The following CCDC88C variants were observed in gnomAD, a reference collection of about 807,000 sequenced individuals.
CCDC88C encodes the protein protein Daple.
A neutral mutation model predicts 198.8 loss-of-function variants in CCDC88C; 131 were observed. That is an observed-to-expected ratio of 0.66 (90% CI 0.57 to 0.76). The LOEUF (loss-of-function observed/expected upper bound fraction) is 0.76. CCDC88C is among the 30% of genes least tolerant of loss of function. The pLI, the probability that CCDC88C is intolerant of heterozygous loss-of-function variation, is 0.00. For missense variants in CCDC88C, 2,553 were observed against 2,631.6 expected, an observed-to-expected ratio of 0.97 and a Z score of 0.65; for synonymous variants, 1,166 against 1,114.7, an observed-to-expected ratio of 1.05 and a Z score of -0.92.
At chr14:91,330,993 G>A (rs1892800953) in intron 10 of CCDC88C, among the ~76,000 whole-genome samples, 1 of 151,938 alleles carries the variant, frequency 6.6e-6, no homozygotes, top group Non-Finnish European at 1.5e-5. Context: ...CAGGAGTGGG[G>A]AGAGTGGAAG....
At chr14:91,281,646 G>T in intron 26 of CCDC88C, 121 bp from the exon 27 acceptor site, 1 of 796,520 alleles carries the variant, frequency 1.3e-6, no homozygotes, top group Non-Finnish European at 2.1e-6. Flanking sequence ...TGAGGGAATG[G>T]CATGCAGATG....
chr14:91,344,083 G>T (rs1440957908), intron 4 of CCDC88C, among the ~76,000 whole-genome samples: 1 of 151,990 alleles, frequency 6.6e-6, no homozygotes, highest in Non-Finnish European at 1.5e-5. Flanking sequence ...AGCCTCCCAG[G>T]TTGCAGGAAT....
intron 15 of CCDC88C, among the ~76,000 whole-genome samples, chr14:91,310,455 T>C (rs7157160): frequency 0.021 from 3,157 of 152,254 alleles, 128 homozygotes; most frequent in African/African-American, 0.072. Flanking sequence ...CTTGGTTGCC[T>C]AGGCTGAAGT....
intron 13 of CCDC88C, among the ~76,000 whole-genome samples, chr14:91,318,059 T>A (rs1005559577): frequency 2.0e-5 from 3 of 152,174 alleles, no homozygotes; most frequent in Non-Finnish European, 2.9e-5. Context: ...ATTATTTTTA[T>A]CATGGCCAAG....
chr14:91,400,214 A>C (rs998701794), intron 3 of CCDC88C, among the ~76,000 whole-genome samples: 2 of 152,248 alleles, frequency 1.3e-5, no homozygotes, highest in African/African-American at 2.4e-5. Context: ...AGAAAGAGGA[A>C]GAGCCGGTAA....
intron 3 of CCDC88C, among the ~76,000 whole-genome samples, chr14:91,366,001 C>T (rs960227227): frequency 9.9e-5 from 15 of 152,136 alleles, no homozygotes; most frequent in Non-Finnish European, 2.1e-4. Flanking sequence ...ACTAAAATGA[C>T]AGAATTTTCT....
chr14:91,364,304 C>T (rs1055692207), intron 3 of CCDC88C, among the ~76,000 whole-genome samples: 3 of 152,202 alleles, frequency 2.0e-5, no homozygotes, highest in African/African-American at 7.2e-5. Context: ...CTCCCCACTT[C>T]TCCTTTAGGT....
At position 91,283,463 on chromosome 14, in the gene CCDC88C, C is replaced by T. The variant is rs752609625; in HGVS notation, c.4496G>A (p.Arg1499His). 16 of 1,612,978 alleles carry T rather than the reference C, an allele frequency of 9.9e-6. No homozygotes were observed. The highest frequency in any genetic ancestry group is 9.9e-5 in the South Asian group (9 of 90,798). The change falls in exon 26 of 30, where the codon CGC becomes CAC. Residue 1499 changes from arginine to histidine, a missense_variant. Around this residue, in one of 2 missense-constraint regions of CCDC88C, gnomAD observed 1,293 missense variants for 1,219.6 expected, o/e 1.06. Transcript: ENST00000389857. ...RGSPHRGSLD[R>H]TDASTDLAMR... is the part of the protein sequence containing the mutation. Reference sequence around the variant, plus strand: ...GGCCAGATCGGTGGAGGCATCTGTGCGGTCAAGGCTGCCTCTGTGTGGGGA... The same window carrying T: ...GGCCAGATCGGTGGAGGCATCTGTGTGGTCAAGGCTGCCTCTGTGTGGGGA...
chr14:91,361,430 G>A (rs1002057763), intron 3 of CCDC88C, among the ~76,000 whole-genome samples: 9 of 152,190 alleles, frequency 5.9e-5, no homozygotes, highest in East Asian at 1.9e-4. Context: ...AACGGGGGCC[G>A]AGGCCGCATG....
At position 91,313,266 on chromosome 14, in the gene CCDC88C, G is replaced by A; in HGVS notation, c.2550C>T (p.Leu850=). 2 of 1,613,998 alleles carry A rather than the reference G, an allele frequency of 1.2e-6. No individual in the cohort carries two copies. The highest frequency in any genetic ancestry group is 1.7e-6 in the Non-Finnish European group (2 of 1,179,900). Residue 850 remains leucine (L), a synonymous_variant, in exon 15 of 30, where the codon CTC becomes CTT. Transcript: ENST00000389857. The surrounding 1 kb of genome is among the most constrained non-coding windows in gnomAD (Gnocchi z 5.2). Reference sequence around the variant, plus strand: ...TGCTATCGTCCAAGACTGCATCCTTGAGCTCCACCTGCTGCCACAGCCGCT... The same window carrying A: ...TGCTATCGTCCAAGACTGCATCCTTAAGCTCCACCTGCTGCCACAGCCGCT... ...EAKRLWQQVE[L]KDAVLDDSTA... is the part of the protein sequence containing the mutation.
intron 14 of CCDC88C, among the ~76,000 whole-genome samples, chr14:91,315,336 C>T (rs1036367576): frequency 5.3e-5 from 8 of 152,114 alleles, no homozygotes; most frequent in South Asian, 2.1e-4. Flanking sequence ...TCCTGACCTG[C>T]GCACTGCAGA....
At chr14:91,315,940 AC>A in intron 13 of CCDC88C, 153 bp from the exon 14 acceptor site, 1 of 701,204 alleles carries the variant, frequency 1.4e-6, no homozygotes, top group Non-Finnish European at 2.4e-6. Flanking sequence ...AACTCCCCAC[AC>A]CACAGCTGTC....
chr14:91,417,808 G>C lies in CCDC88C; in HGVS notation c.-118C>G. On this transcript the variant is annotated 5_prime_UTR_variant, in exon 1 of 30. Coordinates refer to ENST00000389857, the MANE Select transcript of CCDC88C (RefSeq NM_001080414.4). ...CGCGGGGCTGCGGCGGCTCGCGCCC[G>C]GGAGACAAAGGCGGGGCGCGCGAGC... 1 of 519,810 alleles carries C rather than the reference G, an allele frequency of 1.9e-6. No individual in the cohort carries two copies. Among genetic ancestry groups the C allele is most frequent in the Non-Finnish European group, 2.7e-6 (1 of 376,102 alleles). The allele number at this position is 519,810 out of a possible 1,614,324, so 32.2% of individuals were successfully genotyped here. A position where few individuals can be genotyped will look rare whatever the true frequency, so the allele number is the denominator to read the frequency against.
At chr14:91,279,550 G>T in intron 27 of CCDC88C, 1 of 376,726 alleles carries the variant, frequency 2.7e-6, no homozygotes, top group Non-Finnish European at 4.8e-6. Context: ...ACATTTATGA[G>T]GCCTGGGGCT....
In CCDC88C at chr14:91,273,478, A is replaced by C; in HGVS notation, c.5234T>G (p.Leu1745Arg). The C allele has an allele frequency of 6.4e-7, 1 of 1,565,800 alleles. No individual in the cohort carries two copies. Among genetic ancestry groups the C allele is most frequent in the Non-Finnish European group, 8.7e-7 (1 of 1,154,268 alleles). Residue 1745 changes from leucine to arginine, a missense_variant, in exon 30 of 30, where the codon CTG becomes CGG. By Grantham distance (102) the Leu-to-Arg change is moderately radical. Around this residue, in one of 2 missense-constraint regions of CCDC88C, gnomAD observed 1,293 missense variants for 1,219.6 expected, o/e 1.06. Coordinates refer to ENST00000389857, the MANE Select transcript of CCDC88C (RefSeq NM_001080414.4). This position sits in a 1 kb window ranked among gnomAD's most constrained non-coding sequence, Gnocchi z 5.6. ...MAAPTSEGRP[L>R]KPGQYVKPNF... Reference sequence around the variant, plus strand: ...TGGCTTTACGTACTGCCCGGGCTTCAGCGGCCTCCCCTCCGAGGTGGGGGC... The same window carrying C: ...TGGCTTTACGTACTGCCCGGGCTTCCGCGGCCTCCCCTCCGAGGTGGGGGC...
At chr14:91,365,306 G>A (rs954887567) in intron 3 of CCDC88C, among the ~76,000 whole-genome samples, 5 of 152,170 alleles carry the variant, frequency 3.3e-5, no homozygotes, top group Non-Finnish European at 5.9e-5. Flanking sequence ...AAGCAGGTAG[G>A]GACCAGGACG....
rs6575188 is a variant in CCDC88C, at chr14:91,284,169, G to A, written c.4442-652C>T. Among the ~76,000 whole-genome samples the A allele has an allele frequency of 1.3e-5, 2 of 152,288 alleles. No homozygotes were observed. The highest frequency in any genetic ancestry group is 3.9e-4 in the East Asian group (2 of 5,176). On this transcript the variant is annotated intron_variant, in intron 25 of 29. Coordinates refer to ENST00000389857, the MANE Select transcript of CCDC88C (RefSeq NM_001080414.4). This position sits in a 1 kb window ranked among gnomAD's most constrained non-coding sequence, Gnocchi z 4.1. Reference sequence around the variant, plus strand: ...AAAGAAAAACAGCCCATAAAACCAAGTACCCCACAGGAAAGAGGACAGGCT... The same window carrying A: ...AAAGAAAAACAGCCCATAAAACCAAATACCCCACAGGAAAGAGGACAGGCT...
chr14:91,374,123 C>A (rs1046933341), intron 3 of CCDC88C, among the ~76,000 whole-genome samples: 1 of 152,212 alleles, frequency 6.6e-6, no homozygotes, highest in East Asian at 1.9e-4. Context: ...GAACTGGCTG[C>A]GGGGAGGAAG....
At position 91,277,992 on chromosome 14, in the gene CCDC88C, G is replaced by A; in HGVS notation, c.4988C>T (p.Ala1663Val). Residue 1663 changes from alanine (A) to valine (V), a missense_variant, in exon 29 of 30, where the codon GCC (alanine) becomes GTC (valine). This residue lies in a region of CCDC88C where 1,293 missense variants were observed against 1,219.6 expected (regional missense o/e 1.06). Transcript: ENST00000389857. ...PPYVGVRPCS[A>V]SPSSEMVTLE... ...GGTGACCATCTCACTGCTGGGGGAG[G>A]CCGAGCAGGGCCGCACTCCGACGTA... is the stretch of plus-strand genomic sequence containing the variant. 1 of 1,568,748 alleles carries A rather than the reference G, an allele frequency of 6.4e-7. No individual in the cohort carries two copies. The highest frequency in any genetic ancestry group is 8.7e-7 in the Non-Finnish European group (1 of 1,154,950).
Sources: gnomAD v4.1 joint callset for allele counts (sites outside exome capture counted in the v4.1 genomes callset) on GRCh38, gnomAD v4.1.1 for gene constraint, gnomAD v4.1.1 regional missense constraint, Gnocchi (gnomAD v3.1) non-coding constraint, MANE v1.5 for transcripts, NCBI Gene and HGNC (gene_info 2026-07-23, HGNC 2026-07-21) for gene names.